The following ADAM12 variants were observed in gnomAD, a reference collection of about 807,000 sequenced individuals.
The protein encoded by ADAM12 is ADAM metallopeptidase domain 12, also known as disintegrin and metalloproteinase domain-containing protein 12.
A neutral mutation model predicts 106.4 loss-of-function variants in ADAM12; 70 were observed. That is an observed-to-expected ratio of 0.66 (90% CI 0.54 to 0.80). The LOEUF is 0.80. ADAM12 is among the 30% of genes least tolerant of loss of function. ADAM12 has a pLI of 0.00. For synonymous variants in ADAM12, 420 were observed against 433.5 expected (o/e 0.97, Z 0.39); for missense variants, 1,010 against 1,171.9 (o/e 0.86, Z 2.02).
intron 2 of ADAM12, among the ~76,000 whole-genome samples, chr10:126,303,466 A>C (rs2133803272): frequency 6.6e-6 from 1 of 152,324 alleles, no homozygotes; most frequent in Non-Finnish European, 1.5e-5. Context: ...ATCCCAGTCC[A>C]TTTCCCAAGA....
chr10:126,293,445 C>A (rs994611152), intron 2 of ADAM12, among the ~76,000 whole-genome samples: 5 of 152,174 alleles, frequency 3.3e-5, no homozygotes, highest in African/African-American at 1.2e-4. Context: ...ACTTCACAAT[C>A]CCTGGCCTCA....
At chr10:126,138,583 C>T (rs1956450042) in intron 4 of ADAM12, among the ~76,000 whole-genome samples, 1 of 152,124 alleles carries the variant, frequency 6.6e-6, no homozygotes, top group South Asian at 2.1e-4. Context: ...ACCATATTGG[C>T]CAGGCTGGTC....
chr10:126,338,471 C>G (rs1221767884), intron 1 of ADAM12, among the ~76,000 whole-genome samples: 1 of 151,798 alleles, frequency 6.6e-6, no homozygotes, highest in Non-Finnish European at 1.5e-5. Flanking sequence ...CCGGGATGGT[C>G]TCGATCTCCT....
intron 2 of ADAM12, among the ~76,000 whole-genome samples, chr10:126,310,735 A>G (rs1961046670): frequency 6.6e-6 from 1 of 152,168 alleles, no homozygotes; most frequent in Admixed American, 6.5e-5. Flanking sequence ...TCTCATTATC[A>G]ATGGGAAGGT....
chr10:126,208,540 G>A (rs1957838561), intron 3 of ADAM12, among the ~76,000 whole-genome samples: 1 of 152,160 alleles, frequency 6.6e-6, no homozygotes, highest in Non-Finnish European at 1.5e-5. Context: ...ATTTCTTAAT[G>A]AAGTAAAGGT....
chr10:126,216,508 A>G (rs375991620), intron 3 of ADAM12, among the ~76,000 whole-genome samples: 9 of 152,326 alleles, frequency 5.9e-5, no homozygotes, highest in African/African-American at 2.2e-4. Flanking sequence ...CATAAATCAC[A>G]GCTTGTGATA....
chr10:126,372,467 C>G (rs1009477784), intron 1 of ADAM12, among the ~76,000 whole-genome samples: 2 of 152,162 alleles, frequency 1.3e-5, no homozygotes, highest in African/African-American at 4.8e-5. Context: ...CATAAAGAGG[C>G]CAAGCCAGAA....
chr10:126,240,335 G>A (rs1565160305), intron 3 of ADAM12, among the ~76,000 whole-genome samples: 1 of 152,268 alleles, frequency 6.6e-6, no homozygotes, highest in African/African-American at 2.4e-5. Flanking sequence ...CAGCCCCTAA[G>A]AGCGTGACAG....
At chr10:126,023,373 T>C (rs1953806925) in intron 21 of ADAM12, among the ~76,000 whole-genome samples, 1 of 151,672 alleles carries the variant, frequency 6.6e-6, no homozygotes, top group Admixed American at 6.6e-5. Flanking sequence ...ACAGCAAATG[T>C]TTTAAGTCTA....
chr10:126,323,896 G>C (rs1854197894), intron 2 of ADAM12, among the ~76,000 whole-genome samples: 1 of 152,216 alleles, frequency 6.6e-6, no homozygotes, highest in South Asian at 2.1e-4. Context: ...ATTGGGTTGA[G>C]CATAGTCGAG....
intron 3 of ADAM12, among the ~76,000 whole-genome samples, chr10:126,161,333 A>G (rs1414555109): frequency 6.6e-6 from 1 of 152,142 alleles, no homozygotes; most frequent in Non-Finnish European, 1.5e-5. Context: ...CCTATTTAAA[A>G]GAGGAAACCA....
At chr10:126,261,288 G>A (rs981669542) in intron 3 of ADAM12, among the ~76,000 whole-genome samples, 1 of 152,134 alleles carries the variant, frequency 6.6e-6, no homozygotes, top group Admixed American at 6.5e-5. Flanking sequence ...TTCATCTGAG[G>A]ACAGGAGATT....
At chr10:126,041,431 CT>C (rs1054681508) in intron 18 of ADAM12, 27 of 985,656 alleles carry the variant, frequency 2.7e-5, no homozygotes, top group Admixed American at 1.8e-4. Flanking sequence ...AACATTCTTA[CT>C]TGTTAAATGA....
At chr10:126,035,790 A>G (rs1038336092) in intron 21 of ADAM12, among the ~76,000 whole-genome samples, 1 of 152,212 alleles carries the variant, frequency 6.6e-6, no homozygotes, top group Non-Finnish European at 1.5e-5. Flanking sequence ...GATGCTTCTT[A>G]GGGTGACCAT....
At chr10:126,337,556 G>A (rs1481994228) in intron 1 of ADAM12, among the ~76,000 whole-genome samples, 1 of 152,194 alleles carries the variant, frequency 6.6e-6, no homozygotes, top group African/African-American at 2.4e-5. Context: ...TGTGCTGGCA[G>A]CACATGGGAT....
rs1310585760 is a variant in ADAM12 at position 126,132,266 on chromosome 10, C to G, written c.416+3318G>C. 5.3e-5 allele frequency among the ~76,000 whole-genome samples: 8 copies of G among 152,314 alleles called. No homozygotes were observed. The South Asian group carries it at 1.7e-3, about 32-fold the overall frequency. ...AGGATTACAGGCGTGAGCCACCGCG[C>G]CCCCGGGCAGCTTTTCTCTTCTTTA... On this transcript the variant is annotated intron_variant, in intron 5 of 22. Transcript: ENST00000448723.
chr10:126,260,978 T>C (rs184657394), intron 3 of ADAM12, among the ~76,000 whole-genome samples: 1 of 152,132 alleles, frequency 6.6e-6, no homozygotes, highest in African/African-American at 2.4e-5. Flanking sequence ...AAAATAATAA[T>C]GCAGCAATAA....
At chr10:126,189,366 G>A (rs1352662299) in intron 3 of ADAM12, among the ~76,000 whole-genome samples, 2 of 152,160 alleles carry the variant, frequency 1.3e-5, no homozygotes, top group South Asian at 2.1e-4. Flanking sequence ...AAGGACTGAG[G>A]CAAAAGGACC....
At chr10:126,094,411 AGGGTCTC>A (rs1955519624) in intron 10 of ADAM12, among the ~76,000 whole-genome samples, 1 of 152,206 alleles carries the variant, frequency 6.6e-6, no homozygotes, top group Non-Finnish European at 1.5e-5. Flanking sequence ...TCTTCAAGGC[AGGGTCTC>A]CATTCTGCTT....
Sources: gnomAD v4.1 joint callset for allele counts (sites outside exome capture counted in the v4.1 genomes callset) on GRCh38, gnomAD v4.1.1 for gene constraint, MANE v1.5 for transcripts, NCBI Gene and HGNC (gene_info 2026-07-23, HGNC 2026-07-21) for gene names.